Variants in WDR33 observed in about 807,000 individuals in gnomAD.
WDR33 encodes the protein pre-mRNA 3' end processing protein WDR33.
A neutral mutation model predicts 164.9 loss-of-function variants in WDR33; 47 were observed. The ratio of observed to expected loss-of-function variants is 0.29; its 90% CI spans 0.23 to 0.36. The LOEUF (loss-of-function observed/expected upper bound fraction) is 0.36. Ranked by LOEUF, WDR33 falls within the 10% of genes least tolerant of loss-of-function variation. WDR33 has a pLI of 1.00. For synonymous variants in WDR33, 505 were observed against 589.0 expected (o/e 0.86, Z 2.06); for missense variants, 1,137 against 1,754.1 (o/e 0.65, Z 6.28).
Position 127,723,475 on chromosome 2 carries a change from G to C in WDR33, c.1197-128C>G. 1 of 742,600 alleles carries C rather than the reference G, an allele frequency of 1.3e-6. No homozygotes were observed. Among genetic ancestry groups the C allele is most frequent in the Non-Finnish European group, 2.2e-6 (1 of 462,608 alleles). 46.0% of individuals were successfully genotyped at this position (742,600 alleles called of 1,614,324 possible). A position where few individuals can be genotyped will look rare whatever the true frequency, so the allele number is the denominator to read the frequency against. On this transcript the variant is annotated intron_variant, in intron 11 of 21. Coordinates refer to ENST00000322313, the MANE Select transcript of WDR33 (RefSeq NM_018383.5). This position sits in a 1 kb window ranked among gnomAD's most constrained non-coding sequence, Gnocchi z 5.9. ...TTTGTTTCTTCTACAAATTTAAAAT[G>C]TGAGGTCATACACTTTGGCTCACAT... is the stretch of plus-strand genomic sequence containing the variant.
chr2:127,747,400 C>T (rs1034383288), intron 7 of WDR33, among the ~76,000 whole-genome samples: 1 of 151,294 alleles, frequency 6.6e-6, no homozygotes, highest in African/African-American at 2.4e-5. Flanking sequence ...TCAGTTTGGT[C>T]CAAATCAACA....
chr2:127,724,270 C>T lies in WDR33; in HGVS notation c.1196+63G>A. The T allele has an allele frequency of 8.0e-7, 1 of 1,246,202 alleles. No individual in the cohort carries two copies. Among genetic ancestry groups the T allele is most frequent in the Non-Finnish European group, 1.2e-6 (1 of 863,880 alleles). The allele number at this position is 1,246,202 out of a possible 1,614,324, so 77.2% of individuals were successfully genotyped here. On this transcript the variant is annotated intron_variant, in intron 11 of 21. Coordinates refer to ENST00000322313, the MANE Select transcript of WDR33 (RefSeq NM_018383.5). This position sits in a 1 kb window ranked among gnomAD's most constrained non-coding sequence, Gnocchi z 4.8. ...ATATCAATCAACCAATAAAAATAAACACATACAGTATTTATTTCCTGTTGC... is the reference window on the plus strand; with the variant it reads ...ATATCAATCAACCAATAAAAATAAATACATACAGTATTTATTTCCTGTTGC...
At chr2:127,754,563 T>C (rs1193855312) in intron 7 of WDR33, among the ~76,000 whole-genome samples, 2 of 151,082 alleles carry the variant, frequency 1.3e-5, no homozygotes, top group East Asian at 1.9e-4. Context: ...GGACTACATG[T>C]GCATGCCACC....
chr2:127,737,343 T>G, intron 7 of WDR33: 1 of 985,414 alleles, frequency 1.0e-6, no homozygotes, highest in Non-Finnish European at 1.2e-6. Flanking sequence ...GAAAGAGTAC[T>G]CTGAGGTGTG....
In WDR33 at chr2:127,718,348, C is replaced by G. The variant is rs917080518; in HGVS notation, c.2760+917G>C. 1.3e-5 allele frequency among the ~76,000 whole-genome samples: 2 copies of G among 152,046 alleles called. No individual in the cohort carries two copies. Among genetic ancestry groups the G allele is most frequent in the Non-Finnish European group, 2.9e-5 (2 of 68,020 alleles). On this transcript the variant is annotated intron_variant, in intron 16 of 21. Transcript: ENST00000322313. This position sits in a 1 kb window ranked among gnomAD's most constrained non-coding sequence, Gnocchi z 4.4. ...AGCTGACTCGCTCACTTTTGGTCCA[C>G]ACTGGACCAAAAGTGAGTTTTCAGG...
intron 7 of WDR33, 186 bp downstream of exon 7, chr2:127,762,876 T>C: frequency 7.1e-7 from 1 of 1,405,758 alleles, no homozygotes. Flanking sequence ...ATAACACTGG[T>C]AGTAAAAACC....
At chr2:127,742,469 G>C (rs1388210121) in intron 7 of WDR33, among the ~76,000 whole-genome samples, 2 of 148,722 alleles carry the variant, frequency 1.3e-5, no homozygotes, top group Non-Finnish European at 3.0e-5. Context: ...CATGCCTACA[G>C]TGAGCCATGA....
chr2:127,771,317 A>C (rs1316449639), intron 1 of WDR33, among the ~76,000 whole-genome samples: 1 of 152,230 alleles, frequency 6.6e-6, no homozygotes, highest in East Asian at 1.9e-4. Context: ...CCTGCACAGC[A>C]TGTTACTTTA....
At chr2:127,786,795 G>C (rs559353425) in intron 1 of WDR33, among the ~76,000 whole-genome samples, 80 of 149,782 alleles carry the variant, frequency 5.3e-4, no homozygotes, top group Non-Finnish European at 7.1e-4. Context: ...TTTCTAAATA[G>C]ACATATATCA....
rs1687757105 is a variant in WDR33 at position 127,764,162 on chromosome 2, C to G, written c.626+666G>C. On this transcript the variant is annotated intron_variant, in intron 6 of 21. Coordinates refer to ENST00000322313, the MANE Select transcript of WDR33 (RefSeq NM_018383.5). This position sits in a 1 kb window ranked among gnomAD's most constrained non-coding sequence, Gnocchi z 6.2. ...CTCACTGATGTGTAAAAATATACAA[C>G]TCACTGAAAATATTTTAAACTCCAC... The G allele has an allele frequency of 9.9e-7, 1 of 1,012,874 alleles. No individual in the cohort carries two copies. The highest frequency in any genetic ancestry group is 1.2e-6 in the Non-Finnish European group (1 of 848,340). The allele number at this position is 1,012,874 out of a possible 1,614,324, so 62.7% of individuals were successfully genotyped here. A position where few individuals can be genotyped will look rare whatever the true frequency, so the allele number is the denominator to read the frequency against.
At position 127,710,922 on chromosome 2, in the gene WDR33, C is replaced by T. The variant is rs1256593597; in HGVS notation, c.3309-1066G>A. 2.6e-5 allele frequency among the ~76,000 whole-genome samples: 4 copies of T among 152,224 alleles called. No homozygotes were observed. The highest frequency in any genetic ancestry group is 9.6e-5 in the African/African-American group (4 of 41,452). On this transcript the variant is annotated intron_variant, in intron 18 of 21. Transcript: ENST00000322313. This position sits in a 1 kb window ranked among gnomAD's most constrained non-coding sequence, Gnocchi z 4.4. The stretch of plus-strand genomic sequence containing the variant: ...TCAATCCCTTCTTAATATTTTGCCA[C>T]ACGTGCTTTATCTTCTCCGTCCAGC...
intron 1 of WDR33, among the ~76,000 whole-genome samples, chr2:127,773,931 A>AT (rs1042599192): frequency 4.0e-5 from 6 of 149,934 alleles, no homozygotes; most frequent in Non-Finnish European, 7.4e-5. Flanking sequence ...TGCCCAGGTA[A>AT]TTTTTTTTGT....
chr2:127,709,388 T>C lies in WDR33; in HGVS notation c.3565+102A>G. The C allele has an allele frequency of 8.9e-7, 1 of 1,120,120 alleles. No individual in the cohort carries two copies. Among genetic ancestry groups the C allele is most frequent in the Non-Finnish European group, 1.3e-6 (1 of 749,042 alleles). The allele number at this position is 1,120,120 out of a possible 1,614,324, so 69.4% of individuals were successfully genotyped here. ...AGACAGCCCAGCCCCCCGGGAGACA[T>C]GAGCTGGAAAGAGGAGACCCGGTGC... is the stretch of plus-strand genomic sequence containing the variant. On this transcript the variant is annotated intron_variant, in intron 20 of 21. Coordinates refer to ENST00000322313, the MANE Select transcript of WDR33 (RefSeq NM_018383.5). The surrounding 1 kb of genome is among the most constrained non-coding windows in gnomAD (Gnocchi z 5.0).
At chr2:127,809,997 A>T (rs1165567407) in intron 1 of WDR33, among the ~76,000 whole-genome samples, 1 of 152,180 alleles carries the variant, frequency 6.6e-6, no homozygotes, top group Non-Finnish European at 1.5e-5. Flanking sequence ...ACTGTCACTA[A>T]AAGGTTTGAA....
rs532017521 is a variant in WDR33 at position 127,750,763 on chromosome 2, CAT to C, written c.724+12297_724+12298del. Among the ~76,000 whole-genome samples the C allele has an allele frequency of 5.6e-4, 61 of 108,698 alleles. 1 individual carries two copies. Among genetic ancestry groups the C allele is most frequent in the African/African-American group, 1.7e-3 (49 of 28,830 alleles). 71.3% of individuals were successfully genotyped at this position (108,698 alleles called of 152,430 possible). ...ATGCATACATATATATGTATACATA[CAT>C]ATATATACACATATATATACACACA... On this transcript the variant is annotated intron_variant, in intron 7 of 21. Coordinates refer to ENST00000322313, the MANE Select transcript of WDR33 (RefSeq NM_018383.5).
intron 1 of WDR33, among the ~76,000 whole-genome samples, chr2:127,805,917 G>A (rs929891960): frequency 6.7e-6 from 1 of 150,338 alleles, no homozygotes; most frequent in South Asian, 2.1e-4. Flanking sequence ...TGAAGCTGGA[G>A]TCTACTGCAC....
rs1412765084 is a variant in WDR33, at chr2:127,738,344, G to A, written c.725-11567C>T. ...ATCCATTTAGTCCATACTGATATAA[G>A]CAAATAACTGAATAAATAAGTGGAG... On this transcript the variant is annotated intron_variant, in intron 7 of 21. Coordinates refer to ENST00000322313, the MANE Select transcript of WDR33 (RefSeq NM_018383.5). This position sits in a 1 kb window ranked among gnomAD's most constrained non-coding sequence, Gnocchi z 4.4. Among the ~76,000 whole-genome samples the A allele has an allele frequency of 6.6e-6, 1 of 151,976 alleles. No individual in the cohort carries two copies. Among genetic ancestry groups the A allele is most frequent in the Non-Finnish European group, 1.5e-5 (1 of 67,982 alleles).
Position 127,711,780 on chromosome 2 carries a change from A to ATATATATTTT in WDR33, c.3308+1802_3308+1803insAAAATATATA. Among the ~76,000 whole-genome samples, 18 of 88,306 alleles carry ATATATATTTT rather than the reference A, an allele frequency of 2.0e-4. 1 individual carries two copies. Among genetic ancestry groups the ATATATATTTT allele is most frequent in the South Asian group, 1.8e-3 (4 of 2,178 alleles). 57.9% of individuals were successfully genotyped at this position (88,306 alleles called of 152,430 possible). ...TATATATATATATATATATATATAT[A>ATATATATTTT]TTTTTTTTTTGAGACAGAGTCTCGC... is the stretch of plus-strand genomic sequence containing the variant. On this transcript the variant is annotated intron_variant, in intron 18 of 21. Coordinates refer to ENST00000322313, the MANE Select transcript of WDR33 (RefSeq NM_018383.5).
At chr2:127,777,735 C>G (rs1477800564) in intron 1 of WDR33, among the ~76,000 whole-genome samples, 3 of 151,660 alleles carry the variant, frequency 2.0e-5, no homozygotes, top group Non-Finnish European at 4.4e-5. Flanking sequence ...CTCAGCCTCC[C>G]AAGTATGTGG....
Sources: allele counts gnomAD v4.1 joint callset (sites outside exome capture counted in the v4.1 genomes callset), GRCh38; gene constraint gnomAD v4.1.1; non-coding constraint Gnocchi (gnomAD v3.1); transcripts MANE v1.5; gene names NCBI Gene and HGNC (gene_info 2026-07-23, HGNC 2026-07-21).